ARK2C: variants seen among roughly 807,000 people sequenced by gnomAD.
ARK2C encodes arkadia (RNF111) C-terminal like ring finger ubiquitin ligase 2C, also known as E3 ubiquitin-protein ligase ARK2C.
chr18:46,429,760 A>T, the ARK2C span, among the ~76,000 whole-genome samples: 1 of 152,132 alleles, frequency 6.6e-6, no homozygotes, highest in Non-Finnish European at 1.5e-5. Context: ...ACTATTTTTT[A>T]AAATACTCTT....
the ARK2C span, chr18:46,459,345 C>T: frequency 7.9e-5 from 12 of 152,362 alleles, no homozygotes; most frequent in Admixed American, 6.5e-4. Context: ...TTGCTAATTT[C>T]CTTCTGACAC....
the ARK2C span, among the ~76,000 whole-genome samples, chr18:46,419,750 G>C: frequency 1.1e-3 from 172 of 152,308 alleles, 2 homozygotes; most frequent in African/African-American, 3.9e-3. Context: ...AACTGGAGAC[G>C]GACAGGCCTC....
chr18:46,362,073 T>A, the ARK2C span, among the ~76,000 whole-genome samples: 1 of 152,226 alleles, frequency 6.6e-6, no homozygotes, highest in African/African-American at 2.4e-5. Context: ...AAGGCCCCCC[T>A]GCCACCCCAA....
chr18:46,351,406 A>G, the ARK2C span, among the ~76,000 whole-genome samples: 1 of 152,142 alleles, frequency 6.6e-6, no homozygotes, highest in East Asian at 1.9e-4. Context: ...TGAGCAGAAA[A>G]AGACAAGATC....
the ARK2C span, among the ~76,000 whole-genome samples, chr18:46,349,541 T>C: frequency 2.0e-5 from 3 of 152,162 alleles, no homozygotes; most frequent in Admixed American, 6.5e-5. Flanking sequence ...TCTAGAGAAC[T>C]CTAGAGGGAG....
At chr18:46,392,656 C>A in the ARK2C span, among the ~76,000 whole-genome samples, 1 of 152,270 alleles carries the variant, frequency 6.6e-6, no homozygotes, top group South Asian at 2.1e-4. Flanking sequence ...GGCTGGGGGA[C>A]ACTGGGCCAG....
At chr18:46,409,438 C>T in the ARK2C span, among the ~76,000 whole-genome samples, 11 of 152,200 alleles carry the variant, frequency 7.2e-5, no homozygotes, top group East Asian at 1.9e-4. Flanking sequence ...TTAGTTTAGC[C>T]GAGGACAGGG....
chr18:46,425,026 C>T, the ARK2C span, among the ~76,000 whole-genome samples: 2 of 152,234 alleles, frequency 1.3e-5, no homozygotes, highest in African/African-American at 4.8e-5. Flanking sequence ...TTCTCCCTGC[C>T]CCTCCCTGGT....
chr18:46,380,807 G>A, the ARK2C span, among the ~76,000 whole-genome samples: 14 of 152,162 alleles, frequency 9.2e-5, no homozygotes, highest in Admixed American at 7.2e-4. Context: ...CCCAACCCCC[G>A]GGGCTAGGAC....
At chr18:46,448,761 G>C in the ARK2C span, among the ~76,000 whole-genome samples, 1 of 152,282 alleles carries the variant, frequency 6.6e-6, no homozygotes, top group Admixed American at 6.5e-5. Context: ...GGGCCTTTGG[G>C]CTCCTGACAT....
the ARK2C span, among the ~76,000 whole-genome samples, chr18:46,398,576 T>A: frequency 6.6e-6 from 1 of 151,674 alleles, no homozygotes; most frequent in Admixed American, 6.6e-5. Context: ...GAGGAACCCA[T>A]GGGTGGGAGA....
chr18:46,436,334 A>G, the ARK2C span, among the ~76,000 whole-genome samples: 1 of 152,248 alleles, frequency 6.6e-6, no homozygotes, highest in Admixed American at 6.5e-5. Flanking sequence ...AGGGAGACAG[A>G]GAGAGAAGGA....
chr18:46,348,563 A>G, the ARK2C span, among the ~76,000 whole-genome samples: 1 of 152,090 alleles, frequency 6.6e-6, no homozygotes. Flanking sequence ...GAGGGTGGGA[A>G]ACTTCAGAGA....
At chr18:46,430,009 T>A in the ARK2C span, among the ~76,000 whole-genome samples, 27 of 152,196 alleles carry the variant, frequency 1.8e-4, no homozygotes, top group Non-Finnish European at 3.4e-4. Flanking sequence ...CCCGCCCTCC[T>A]GCTCCCCTGT....
At chr18:46,454,477 A>G in the ARK2C span, among the ~76,000 whole-genome samples, 2 of 152,176 alleles carry the variant, frequency 1.3e-5, no homozygotes, top group Non-Finnish European at 2.9e-5. Flanking sequence ...GGATAAGGGA[A>G]AACTTATTAC....
At chr18:46,422,572 T>G in the ARK2C span, among the ~76,000 whole-genome samples, 14 of 152,372 alleles carry the variant, frequency 9.2e-5, no homozygotes, top group Middle Eastern at 3.4e-3. Flanking sequence ...GACCCAAGAC[T>G]TGCTCTCTCC....
At chr18:46,437,093 C>G in the ARK2C span, among the ~76,000 whole-genome samples, 4 of 149,184 alleles carry the variant, frequency 2.7e-5, no homozygotes, top group East Asian at 7.8e-4. Context: ...TTCCTGACCA[C>G]TACCTGCCCC....
chr18:46,357,213 C>T, the ARK2C span, among the ~76,000 whole-genome samples: 1 of 152,194 alleles, frequency 6.6e-6, no homozygotes, highest in South Asian at 2.1e-4. Flanking sequence ...TCCTGTTCCT[C>T]CCACCTCACC....
At chr18:46,443,689 G>A in the ARK2C span, among the ~76,000 whole-genome samples, 1 of 152,198 alleles carries the variant, frequency 6.6e-6, no homozygotes, top group Admixed American at 6.5e-5. Context: ...CTGTGACAGA[G>A]ACTGTACGGC....
Sources: gnomAD v4.1 joint callset for allele counts (sites outside exome capture counted in the v4.1 genomes callset) on GRCh38, gnomAD v4.1.1 for gene constraint, MANE v1.5 for transcripts, NCBI Gene and HGNC (gene_info 2026-07-23, HGNC 2026-07-21) for gene names.